Variants in EPHA5 observed in about 807,000 individuals in gnomAD.
EPHA5 encodes the protein ephrin type-A receptor 5.
In EPHA5, 60 loss-of-function variants were observed where a neutral mutation model predicts 105.0. The ratio of observed to expected loss-of-function variants is 0.57; its 90% confidence interval spans 0.46 to 0.71. The LOEUF (loss-of-function observed/expected upper bound fraction) is 0.71. EPHA5 is among the 30% of genes least tolerant of loss of function. The pLI, the probability that EPHA5 is intolerant of heterozygous loss-of-function variation, is 0.00. For synonymous variants in EPHA5, 513 were observed against 449.1 expected, an observed-to-expected ratio of 1.14 and a Z score of -1.80; for missense variants, 1,218 against 1,274.7, an observed-to-expected ratio of 0.96 and a Z score of 0.68.
intron 5 of EPHA5, among the ~76,000 whole-genome samples, chr4:65,431,377 C>G (rs1038535037): frequency 6.6e-6 from 1 of 152,026 alleles, no homozygotes; most frequent in Non-Finnish European, 1.5e-5. Flanking sequence ...TGATACTTCA[C>G]GATTAATAAA....
intron 5 of EPHA5, among the ~76,000 whole-genome samples, chr4:65,447,031 G>A (rs1338890347): frequency 1.4e-5 from 2 of 143,174 alleles, no homozygotes; most frequent in Non-Finnish European, 3.0e-5. Context: ...CTGTCACTCA[G>A]GCTGGTGTGC....
At chr4:65,555,498 A>T (rs1738339888) in intron 3 of EPHA5, among the ~76,000 whole-genome samples, 1 of 151,922 alleles carries the variant, frequency 6.6e-6, no homozygotes, top group Non-Finnish European at 1.5e-5. Context: ...AACACCCATG[A>T]CACAAGTTTA....
At chr4:65,669,287 T>G in intron 1 of EPHA5, 1 of 691,444 alleles carries the variant, frequency 1.4e-6, no homozygotes, top group Non-Finnish European at 1.8e-6. Context: ...TCGACCTCCT[T>G]TCCCCCAAGG....
At chr4:65,506,823 C>T (rs543524686) in intron 3 of EPHA5, among the ~76,000 whole-genome samples, 2 of 151,772 alleles carry the variant, frequency 1.3e-5, no homozygotes, top group Non-Finnish European at 2.9e-5. Context: ...CTGTAGGTTG[C>T]CTGTTCACTC....
At chr4:65,455,789 T>C (rs1727523658) in intron 5 of EPHA5, among the ~76,000 whole-genome samples, 1 of 152,184 alleles carries the variant, frequency 6.6e-6, no homozygotes, top group African/African-American at 2.4e-5. Flanking sequence ...TAACCTTCAT[T>C]GGCCCAGACT....
chr4:65,325,378 T>G (rs36115975), intron 16 of EPHA5, among the ~76,000 whole-genome samples: 10,101 of 151,426 alleles, frequency 0.067, 423 homozygotes, highest in Admixed American at 0.13. Context: ...TGGAAATATT[T>G]TTTTCCAAAA....
chr4:65,481,046 T>C (rs530399183), intron 5 of EPHA5, among the ~76,000 whole-genome samples: 16 of 152,282 alleles, frequency 1.1e-4, no homozygotes, highest in African/African-American at 3.6e-4. Context: ...AGCTCATTGC[T>C]TGTGCTCACC....
At chr4:65,594,991 CA>C (rs1419512113) in intron 3 of EPHA5, among the ~76,000 whole-genome samples, 1 of 151,944 alleles carries the variant, frequency 6.6e-6, no homozygotes, top group Non-Finnish European at 1.5e-5. Context: ...TAAGCAAATA[CA>C]TTTTTAAAGT....
chr4:65,321,205 C>A lies in EPHA5; in HGVS notation c.*2909G>T, dbSNP rs535496237. 9.5e-5 allele frequency: 22 copies of A among 230,614 alleles called. No homozygotes were observed. The highest frequency in any genetic ancestry group is 4.2e-4 in the African/African-American group (19 of 45,250). The allele number at this position is 230,614 out of a possible 1,614,324, so 14.3% of individuals were successfully genotyped here. A position where few individuals can be genotyped will look rare whatever the true frequency, so the allele number is the denominator to read the frequency against. On this transcript the variant is annotated 3_prime_UTR_variant, in exon 17 of 17. Transcript: ENST00000613740. ...CTTAAGATATTGCTACTGGCAATTA[C>A]AATAAGATTATGTATTATTTGCCAA...
chr4:65,451,024 T>C (rs1343962685), intron 5 of EPHA5, among the ~76,000 whole-genome samples: 1 of 152,144 alleles, frequency 6.6e-6, no homozygotes, highest in African/African-American at 2.4e-5. Flanking sequence ...CAGGAAAACC[T>C]TATTCTTCAA....
chr4:65,518,435 CCACA>C (rs945038893), intron 3 of EPHA5, among the ~76,000 whole-genome samples: 7 of 150,052 alleles, frequency 4.7e-5, no homozygotes, highest in African/African-American at 1.7e-4. Flanking sequence ...ACACACACAC[CCACA>C]CACACACAGT....
chr4:65,348,752 T>A (rs1306067788), intron 13 of EPHA5, among the ~76,000 whole-genome samples: 1 of 135,422 alleles, frequency 7.4e-6, no homozygotes, highest in Non-Finnish European at 1.6e-5. Context: ...TGTGTGCATA[T>A]ATATATGTGT....
intron 5 of EPHA5, among the ~76,000 whole-genome samples, chr4:65,463,097 A>G (rs1416904781): frequency 6.6e-6 from 1 of 152,212 alleles, no homozygotes; most frequent in African/African-American, 2.4e-5. Flanking sequence ...GTATTGGTCT[A>G]TATTAAAACT....
intron 3 of EPHA5, among the ~76,000 whole-genome samples, chr4:65,524,212 T>A (rs939033384): frequency 1.3e-5 from 2 of 151,816 alleles, no homozygotes; most frequent in Admixed American, 6.6e-5. Flanking sequence ...TACAATTTTT[T>A]AAAAGGTATA....
At chr4:65,443,665 A>G (rs767666782) in intron 5 of EPHA5, among the ~76,000 whole-genome samples, 11 of 152,104 alleles carry the variant, frequency 7.2e-5, no homozygotes, top group Non-Finnish European at 1.5e-4. Flanking sequence ...GCAAAAAACA[A>G]TTACTAGAGC....
intron 3 of EPHA5, among the ~76,000 whole-genome samples, chr4:65,504,855 T>G (rs896075074): frequency 3.3e-5 from 5 of 152,046 alleles, no homozygotes; most frequent in African/African-American, 1.2e-4. Context: ...CAGGTATCTT[T>G]CAAAGCAGAG....
intron 3 of EPHA5, among the ~76,000 whole-genome samples, chr4:65,560,774 T>C (rs1177095213): frequency 6.6e-6 from 1 of 152,104 alleles, no homozygotes; most frequent in African/African-American, 2.4e-5. Context: ...AATTCCTGCC[T>C]GTTAAATGAC....
At position 65,331,979 on chromosome 4, in the gene EPHA5, G is replaced by A. The variant is rs1159602315; in HGVS notation, c.2939C>T (p.Thr980Ile). 1 of 1,596,094 alleles carries A rather than the reference G, an allele frequency of 6.3e-7. No individual in the cohort carries two copies. The highest frequency in any genetic ancestry group is 2.2e-5 in the East Asian group (1 of 44,598). The part of the protein sequence containing the change: ...YSSMDAVAQV[T>I]LEDLRRLGVT... ...TATCAGAAAAATTACTCACTCCAAG[G>A]TCACCTGAGCCACAGCGTCCATTGA... is the stretch of plus-strand genomic sequence containing the variant. Residue 980 changes from threonine to isoleucine, a missense_variant, in exon 16 of 17, where the codon ACC becomes ATC. By Grantham distance (89) the Thr-to-Ile change is moderately conservative. Around this residue, in one of 3 missense-constraint regions of EPHA5, gnomAD observed 971 missense variants for 1,013.5 expected, o/e 0.96. Coordinates refer to ENST00000613740, the MANE Select transcript of EPHA5 (RefSeq NM_001281766.3).
intron 3 of EPHA5, among the ~76,000 whole-genome samples, chr4:65,593,326 A>G (rs953666141): frequency 5.3e-5 from 8 of 152,180 alleles, no homozygotes; most frequent in Non-Finnish European, 8.8e-5. Context: ...ATTTTTACAT[A>G]CATACAAGGG....
Sources: allele counts gnomAD v4.1 joint callset (sites outside exome capture counted in the v4.1 genomes callset), GRCh38; gene constraint gnomAD v4.1.1; regional missense constraint gnomAD v4.1.1; transcripts MANE v1.5; gene names NCBI Gene and HGNC (gene_info 2026-07-23, HGNC 2026-07-21).